Variants in ADARB2 observed in about 807,000 individuals in gnomAD.
ADARB2 encodes the protein inactive double-stranded RNA-specific editase B2.
A neutral mutation model predicts 62.2 loss-of-function variants in ADARB2; 25 were observed. That is an observed-to-expected ratio of 0.40 (90% CI 0.29 to 0.56). The LOEUF is 0.56. Among genes scored for constraint, ADARB2 ranks in the 20% least tolerant of loss-of-function variants. ADARB2 has a pLI of 0.43. For missense variants in ADARB2, 1,071 were observed against 1,077.4 expected, an observed-to-expected ratio of 0.99 and a Z score of 0.08; for synonymous variants, 572 against 500.8, an observed-to-expected ratio of 1.14 and a Z score of -1.90.
chr10:1,516,144 C>T (rs2131948308), intron 1 of ADARB2, among the ~76,000 whole-genome samples: 1 of 152,334 alleles, frequency 6.6e-6, no homozygotes, highest in South Asian at 2.1e-4. Context: ...GACCGGGGTG[C>T]TCTGACCCTC....
intron 1 of ADARB2, among the ~76,000 whole-genome samples, chr10:1,447,230 G>C (rs1830980921): frequency 6.6e-6 from 1 of 152,242 alleles, no homozygotes; most frequent in African/African-American, 2.4e-5. Context: ...CAGAAGCTTG[G>C]AGAGCAGGAC....
chr10:1,444,354 CACT>C (rs1367658916), intron 1 of ADARB2, among the ~76,000 whole-genome samples: 1 of 145,916 alleles, frequency 6.9e-6, no homozygotes, highest in African/African-American at 2.5e-5. Context: ...CTCACCCATC[CACT>C]CACCCATCCC....
chr10:1,468,108 G>A (rs1831275266), intron 1 of ADARB2, among the ~76,000 whole-genome samples: 1 of 152,186 alleles, frequency 6.6e-6, no homozygotes, highest in Admixed American at 6.5e-5. Context: ...GGATCAACCT[G>A]TCCTTATTTT....
At position 1,184,508 on chromosome 10, in the gene ADARB2, G is replaced by C. The variant is rs999142386; in HGVS notation, c.2043+353C>G. ...CAATTTTTCTGAGTGTCGGTTTCCT[G>C]ATATCTAAACCGGGAATAGTATCGA... On this transcript the variant is annotated intron_variant, in intron 9 of 9. Coordinates refer to ENST00000381312, the MANE Select transcript of ADARB2 (RefSeq NM_018702.4). Among the ~76,000 whole-genome samples the C allele has an allele frequency of 5.3e-5, 8 of 152,312 alleles. No individual in the cohort carries two copies. The East Asian group carries it at 1.5e-3, about 29-fold the overall frequency.
intron 7 of ADARB2, among the ~76,000 whole-genome samples, chr10:1,201,999 T>G (rs767715362): frequency 2.0e-5 from 3 of 152,210 alleles, no homozygotes; most frequent in South Asian, 4.1e-4. Flanking sequence ...AATCTTTTCC[T>G]TGATGTTCAC....
chr10:1,301,942 G>C (rs916254355), intron 3 of ADARB2, among the ~76,000 whole-genome samples: 10 of 152,076 alleles, frequency 6.6e-5, no homozygotes, highest in African/African-American at 1.9e-4. Flanking sequence ...TGGAGCCCAC[G>C]GTTCACAGGA....
intron 4 of ADARB2, among the ~76,000 whole-genome samples, chr10:1,250,715 G>C (rs1316232554): frequency 1.3e-5 from 2 of 152,164 alleles, no homozygotes; most frequent in African/African-American, 4.8e-5. Context: ...CATGTATTCT[G>C]TTATAGCAAC....
chr10:1,188,746 C>T (rs2131735742), intron 8 of ADARB2, among the ~76,000 whole-genome samples: 1 of 152,260 alleles, frequency 6.6e-6, no homozygotes, highest in Middle Eastern at 3.4e-3. Context: ...GAGCGGGAAC[C>T]ACGGCCCAGA....
At chr10:1,266,019 G>T (rs1396038185) in intron 4 of ADARB2, among the ~76,000 whole-genome samples, 1 of 128,712 alleles carries the variant, frequency 7.8e-6, no homozygotes, top group East Asian at 2.5e-4. Context: ...CGGCCTGAGA[G>T]GGGGGCCCAG....
chr10:1,231,089 C>A (rs1830799941), intron 6 of ADARB2, among the ~76,000 whole-genome samples: 1 of 152,112 alleles, frequency 6.6e-6, no homozygotes, highest in Non-Finnish European at 1.5e-5. Flanking sequence ...TGGACTAGAA[C>A]TGTCCCCTGG....
intron 1 of ADARB2, among the ~76,000 whole-genome samples, chr10:1,511,377 T>C (rs1372284399): frequency 1.3e-5 from 2 of 152,164 alleles, no homozygotes; most frequent in African/African-American, 4.8e-5. Flanking sequence ...AAAGGGGGAC[T>C]CTCTTTCTTC....
chr10:1,242,384 G>C (rs186735303), intron 4 of ADARB2, 85 bp from the exon 5 acceptor site: 7 of 1,425,268 alleles, frequency 4.9e-6, no homozygotes, highest in Admixed American at 2.4e-5. Flanking sequence ...TCACAACAGC[G>C]GTTTCCCTGG....
intron 3 of ADARB2, among the ~76,000 whole-genome samples, chr10:1,289,647 A>T (rs962767114): frequency 9.9e-5 from 15 of 152,218 alleles, no homozygotes; most frequent in Admixed American, 9.2e-4. Flanking sequence ...GCTTCCTCTC[A>T]CTGGCTCCGT....
chr10:1,305,593 C>T (rs886867994), intron 3 of ADARB2, among the ~76,000 whole-genome samples: 1 of 152,038 alleles, frequency 6.6e-6, no homozygotes, highest in East Asian at 1.9e-4. Context: ...GGCAGAGACA[C>T]AACCAAAAAA....
At position 1,617,908 on chromosome 10, in the gene ADARB2, A is replaced by G. The variant is rs149696120; in HGVS notation, c.100+119143T>C. Among the ~76,000 whole-genome samples the G allele has an allele frequency of 2.6e-4, 39 of 152,340 alleles. 1 individual carries two copies. The East Asian group carries it at 6.4e-3, about 25-fold the overall frequency. ...GTTTGACAGTTGCTGTGTTTCTCTT[A>G]AGCTCAAAACTTTTGTTGGACGGCT... On this transcript the variant is annotated intron_variant, in intron 1 of 9. Transcript: ENST00000381312.
chr10:1,350,711 C>G (rs1832128103), intron 3 of ADARB2, among the ~76,000 whole-genome samples: 1 of 152,118 alleles, frequency 6.6e-6, no homozygotes, highest in Non-Finnish European at 1.5e-5. Flanking sequence ...AGCCCTAGAC[C>G]CTGAAAGGTC....
intron 6 of ADARB2, among the ~76,000 whole-genome samples, chr10:1,224,510 G>T (rs373819912): frequency 6.6e-6 from 1 of 151,856 alleles, no homozygotes; most frequent in Non-Finnish European, 1.5e-5. Context: ...TCTTTTAATT[G>T]TGATGTTAGG....
chr10:1,669,708 A>G (rs981231419), intron 1 of ADARB2, among the ~76,000 whole-genome samples: 5 of 151,886 alleles, frequency 3.3e-5, no homozygotes, highest in African/African-American at 1.2e-4. Flanking sequence ...ACCCACAGGG[A>G]GACACACCTA....
chr10:1,475,119 T>C lies in ADARB2; in HGVS notation c.101-95959A>G, dbSNP rs543246511. Among the ~76,000 whole-genome samples the C allele has an allele frequency of 6.6e-5, 10 of 152,118 alleles. No individual in the cohort carries two copies. The South Asian group carries it at 2.1e-3, about 32-fold the overall frequency. On this transcript the variant is annotated intron_variant, in intron 1 of 9. Coordinates refer to ENST00000381312, the MANE Select transcript of ADARB2 (RefSeq NM_018702.4). Reference sequence around the variant, plus strand: ...GTGAAGAGAAATCAACGCGGCGTCGTCAAGCTCAGTCAGCAGGAGGACCCC... The same window carrying C: ...GTGAAGAGAAATCAACGCGGCGTCGCCAAGCTCAGTCAGCAGGAGGACCCC...
Sources: gnomAD v4.1 joint callset for allele counts (sites outside exome capture counted in the v4.1 genomes callset) on GRCh38, gnomAD v4.1.1 for gene constraint, MANE v1.5 for transcripts, NCBI Gene and HGNC (gene_info 2026-07-23, HGNC 2026-07-21) for gene names.